PDE4D: variants seen among roughly 807,000 people sequenced by gnomAD.
PDE4D encodes the protein 3',5'-cyclic-AMP phosphodiesterase 4D.
PDE4D carries 24 observed loss-of-function variants against 87.4 expected under a neutral mutation model. The ratio of observed to expected loss-of-function variants is 0.27; its 90% CI spans 0.20 to 0.39. The LOEUF (loss-of-function observed/expected upper bound fraction) is 0.39. PDE4D is among the 10% of genes least tolerant of loss of function. The pLI is 1.00. For missense variants in PDE4D, 714 were observed against 1,041.0 expected, an observed-to-expected ratio of 0.69 and a Z score of 4.32; for synonymous variants, 384 against 383.2, an observed-to-expected ratio of 1.00 and a Z score of -0.02.
chr5:59,086,905 G>A (rs1247889689), intron 5 of PDE4D, among the ~76,000 whole-genome samples: 1 of 151,910 alleles, frequency 6.6e-6, no homozygotes, highest in Non-Finnish European at 1.5e-5. Context: ...ATTGTAGTAG[G>A]CTCTGAACTG....
intron 3 of PDE4D, chr5:59,988,279 G>T: frequency 2.1e-6 from 1 of 471,854 alleles, no homozygotes; most frequent in Non-Finnish European, 3.8e-6. Flanking sequence ...TACATTTTCA[G>T]CTCTTCCATG....
chr5:59,347,851 G>T (rs1234368067), intron 1 of PDE4D, among the ~76,000 whole-genome samples: 1 of 152,138 alleles, frequency 6.6e-6, no homozygotes. Context: ...ACCTTGTGCA[G>T]TTCTGAGTTT....
chr5:59,568,651 A>T (rs1821339601), intron 1 of PDE4D, among the ~76,000 whole-genome samples: 1 of 152,132 alleles, frequency 6.6e-6, no homozygotes, highest in African/African-American at 2.4e-5. Context: ...CCAAAACACT[A>T]ACTACAGTCT....
At chr5:60,421,300 C>G (rs1409804143) in intron 1 of PDE4D, among the ~76,000 whole-genome samples, 1 of 152,182 alleles carries the variant, frequency 6.6e-6, no homozygotes, top group African/African-American at 2.4e-5. Flanking sequence ...ACAGACATCT[C>G]ACACAGGCAG....
At chr5:59,822,191 G>C (rs1334644918) in intron 1 of PDE4D, among the ~76,000 whole-genome samples, 2 of 152,064 alleles carry the variant, frequency 1.3e-5, no homozygotes, top group Non-Finnish European at 2.9e-5. Context: ...TATGTTATTA[G>C]AAAGGGCATA....
At chr5:59,394,621 T>A (rs1466365623) in intron 1 of PDE4D, among the ~76,000 whole-genome samples, 2 of 152,054 alleles carry the variant, frequency 1.3e-5, no homozygotes, top group Non-Finnish European at 2.9e-5. Context: ...TTATTACTAT[T>A]GGTGAAAATA....
chr5:59,496,638 G>A lies in PDE4D; in HGVS notation c.456-280670C>T, dbSNP rs183558106. Among the ~76,000 whole-genome samples, 31 of 152,246 alleles carry A rather than the reference G, an allele frequency of 2.0e-4. No homozygotes were observed. The East Asian group carries it at 6.0e-3, about 30-fold the overall frequency. On this transcript the variant is annotated intron_variant, in intron 1 of 14. Coordinates refer to ENST00000340635, the MANE Select transcript of PDE4D (RefSeq NM_001104631.2). ...TCGGCCCCTAAGGGAGGGGGATGTA[G>A]CCGGCTAAAGCCCCTCTTGGGTCAA...
At chr5:59,687,951 A>T (rs547440999) in intron 1 of PDE4D, among the ~76,000 whole-genome samples, 181 of 152,322 alleles carry the variant, frequency 1.2e-3, no homozygotes, top group African/African-American at 4.2e-3. Context: ...TTAAACCAAC[A>T]AAGATCAAAA....
At chr5:59,127,605 A>ACCCCCCCAC (rs1376914942) in intron 5 of PDE4D, among the ~76,000 whole-genome samples, 1 of 34,420 alleles carries the variant, frequency 2.9e-5, no homozygotes, top group Non-Finnish European at 6.6e-5. Flanking sequence ...TTCCCTCCCC[A>ACCCCCCCAC]CCCCCCCACC....
intron 1 of PDE4D, among the ~76,000 whole-genome samples, chr5:59,825,931 G>A (rs6859121): frequency 0.15 from 23,424 of 152,118 alleles, 2,172 homozygotes; most frequent in African/African-American, 0.26. Flanking sequence ...GGGGAAAGCT[G>A]GTGATGGGAA....
chr5:59,153,139 GC>G (rs1008252096), intron 5 of PDE4D, among the ~76,000 whole-genome samples: 22 of 152,078 alleles, frequency 1.4e-4, no homozygotes, highest in African/African-American at 5.3e-4. Flanking sequence ...TGTGCACCTG[GC>G]ATGGTGCTGC....
chr5:59,969,814 A>C (rs1760498983), intron 3 of PDE4D, among the ~76,000 whole-genome samples: 1 of 152,118 alleles, frequency 6.6e-6, no homozygotes, highest in South Asian at 2.1e-4. Flanking sequence ...CCATGATTGT[A>C]AGTTTCCTGA....
At position 60,150,378 on chromosome 5, in the gene PDE4D, G is replaced by A. The variant is rs1236764895; in HGVS notation, c.42+35179C>T. Among the ~76,000 whole-genome samples the A allele has an allele frequency of 3.3e-5, 5 of 151,994 alleles. No individual in the cohort carries two copies. The East Asian group carries it at 7.7e-4, about 24-fold the overall frequency. ...TATGACCACTTTATAGAATTTTGGG[G>A]GGTCCAATGGGACAATTAATGTGGA... On this transcript the variant is annotated intron_variant, in intron 2 of 16. Transcript: ENST00000502484.
intron 1 of PDE4D, among the ~76,000 whole-genome samples, chr5:59,303,903 A>G (rs1290345763): frequency 1.3e-5 from 2 of 151,818 alleles, no homozygotes; most frequent in African/African-American, 4.8e-5. Context: ...GAGTTTTAGA[A>G]TTGTTTTTTC....
intron 5 of PDE4D, among the ~76,000 whole-genome samples, chr5:59,131,957 T>C (rs1359372348): frequency 6.6e-6 from 1 of 152,152 alleles, no homozygotes; most frequent in Non-Finnish European, 1.5e-5. Context: ...TAGTCGCGTA[T>C]GGCTCCAACC....
chr5:59,878,400 A>C (rs1748922558), intron 1 of PDE4D, among the ~76,000 whole-genome samples: 1 of 152,212 alleles, frequency 6.6e-6, no homozygotes, highest in Non-Finnish European at 1.5e-5. Flanking sequence ...ATTACAAAGA[A>C]CAAAGGAAAA....
chr5:59,360,940 G>A (rs1313735626), intron 1 of PDE4D, among the ~76,000 whole-genome samples: 1 of 152,032 alleles, frequency 6.6e-6, no homozygotes, highest in Non-Finnish European at 1.5e-5. Context: ...GCTAAAATCA[G>A]GATATAGACT....
At chr5:60,414,518 C>T (rs1742320429) in intron 1 of PDE4D, among the ~76,000 whole-genome samples, 1 of 152,126 alleles carries the variant, frequency 6.6e-6, no homozygotes, top group Admixed American at 6.5e-5. Flanking sequence ...TAAAAATTCT[C>T]CCTGGCATCA....
At chr5:60,337,351 C>CTATATATATATATA (rs748923956) in intron 1 of PDE4D, among the ~76,000 whole-genome samples, 125 of 62,194 alleles carry the variant, frequency 2.0e-3, no homozygotes, top group Non-Finnish European at 2.9e-3. Flanking sequence ...AACAAACAAA[C>CTATATATATATATA]TATATATATA....
Sources: allele counts gnomAD v4.1 joint callset (sites outside exome capture counted in the v4.1 genomes callset), GRCh38; gene constraint gnomAD v4.1.1; transcripts MANE v1.5; gene names NCBI Gene and HGNC (gene_info 2026-07-23, HGNC 2026-07-21).